GALNT14: variants seen among roughly 807,000 people sequenced by gnomAD.
GALNT14 encodes polypeptide N-acetylgalactosaminyltransferase 14, also known as UDP-GalNAc:polypeptide N-acetylgalactosaminyltransferase 14.
In GALNT14, 60 loss-of-function variants were observed where a neutral mutation model predicts 77.5. The ratio of observed to expected loss-of-function variants is 0.77; its 90% confidence interval spans 0.63 to 0.96. The LOEUF is 0.96. Ranked by LOEUF, GALNT14 falls within the 40% of genes least tolerant of loss-of-function variation. GALNT14 has a pLI of 0.00. For synonymous variants in GALNT14, 280 were observed against 281.7 expected, an observed-to-expected ratio of 0.99 and a Z score of 0.06; for missense variants, 710 against 731.0, an observed-to-expected ratio of 0.97 and a Z score of 0.33.
downstream of GALNT14, among the ~76,000 whole-genome samples, chr2:30,906,448 A>G (rs1168074347): frequency 6.7e-6 from 1 of 149,780 alleles, no homozygotes; most frequent in Non-Finnish European, 1.5e-5. Flanking sequence ...AACAAAGATC[A>G]AAAGAGACAA....
In GALNT14 at chr2:30,929,499, A is replaced by T. The variant is rs755776172; in HGVS notation, c.1059-12T>A. On this transcript the variant is annotated splice_polypyrimidine_tract_variant and intron_variant, in intron 10 of 14. Coordinates refer to ENST00000349752, the MANE Select transcript of GALNT14 (RefSeq NM_024572.4). ...TCCGCTTGGTGTTCCTGGGAAAACA[A>T]GGAGTGACAAGGGGTGTCAGTAAGG... is the stretch of plus-strand genomic sequence containing the variant. The T allele has an allele frequency of 6.2e-7, 1 of 1,603,016 alleles. No individual in the cohort carries two copies. The highest frequency in any genetic ancestry group is 8.5e-7 in the Non-Finnish European group (1 of 1,170,904).
At chr2:30,960,926 C>T (rs537356309) in intron 3 of GALNT14, among the ~76,000 whole-genome samples, 52 of 152,248 alleles carry the variant, frequency 3.4e-4, no homozygotes, top group Non-Finnish European at 6.5e-4. Context: ...ATGCTCTCCT[C>T]ACTCTGCCTG....
At chr2:31,095,650 G>A (rs1462810565) in intron 1 of GALNT14, among the ~76,000 whole-genome samples, 1 of 151,642 alleles carries the variant, frequency 6.6e-6, no homozygotes, top group East Asian at 1.9e-4. Flanking sequence ...TCCAAGGCCA[G>A]CTATTTGATG....
chr2:31,131,015 G>A (rs1481780145), intron 1 of GALNT14, among the ~76,000 whole-genome samples: 2 of 152,126 alleles, frequency 1.3e-5, no homozygotes, highest in Non-Finnish European at 2.9e-5. Context: ...TAACTAACCT[G>A]AAAAGACTCA....
chr2:31,080,574 T>C (rs1676096591), intron 1 of GALNT14, among the ~76,000 whole-genome samples: 1 of 152,230 alleles, frequency 6.6e-6, no homozygotes, highest in Admixed American at 6.5e-5. Flanking sequence ...ATCACTACTT[T>C]GCAGAGAGGA....
rs540339480 is a variant in GALNT14 at position 31,123,711 on chromosome 2, G to A, written c.129+14247C>T. Among the ~76,000 whole-genome samples the A allele has an allele frequency of 1.1e-4, 17 of 152,240 alleles. No individual in the cohort carries two copies. In the South Asian group the frequency reaches 1.5e-3, roughly 13 times the overall value. On this transcript the variant is annotated intron_variant, in intron 1 of 14. Coordinates refer to ENST00000349752, the MANE Select transcript of GALNT14 (RefSeq NM_024572.4). ...TTCAACCACAGTTTTCTGAGCTAAC[G>A]GAAGAGTGACATGATCAGGACAGGA...
intron 1 of GALNT14, among the ~76,000 whole-genome samples, chr2:31,067,801 C>A (rs1001246595): frequency 2.0e-5 from 3 of 152,288 alleles, no homozygotes; most frequent in Non-Finnish European, 4.4e-5. Flanking sequence ...ATTTTCCAGA[C>A]AAGGATTAAG....
At chr2:30,906,574 C>G (rs1396819771), downstream of GALNT14, among the ~76,000 whole-genome samples, 2 of 150,318 alleles carry the variant, frequency 1.3e-5, no homozygotes, top group African/African-American at 4.9e-5. Context: ...CCTGAGTGAC[C>G]TACAAAGAGA....
chr2:31,019,559 T>G (rs1224538682), intron 1 of GALNT14, among the ~76,000 whole-genome samples: 1 of 152,138 alleles, frequency 6.6e-6, no homozygotes, highest in Non-Finnish European at 1.5e-5. Context: ...AACCCAGTCC[T>G]GCACTCAAGG....
chr2:31,089,295 T>C (rs1234307464), intron 1 of GALNT14, among the ~76,000 whole-genome samples: 1 of 152,146 alleles, frequency 6.6e-6, no homozygotes, highest in African/African-American at 2.4e-5. Flanking sequence ...TGATGAGACA[T>C]TCGGATCACG....
At chr2:31,004,121 C>T (rs1411293524) in intron 1 of GALNT14, among the ~76,000 whole-genome samples, 1 of 152,232 alleles carries the variant, frequency 6.6e-6, no homozygotes, top group Non-Finnish European at 1.5e-5. Context: ...TACCCACACG[C>T]TTTATTTCTG....
chr2:30,908,560 G>T (rs1664206940), downstream of GALNT14, among the ~76,000 whole-genome samples: 1 of 146,472 alleles, frequency 6.8e-6, no homozygotes, highest in Non-Finnish European at 1.5e-5. Flanking sequence ...AATAAAAGAG[G>T]ATATAAACAA....
the GALNT14 span, among the ~76,000 whole-genome samples, chr2:30,896,519 T>C: frequency 6.6e-6 from 1 of 152,086 alleles, no homozygotes; most frequent in African/African-American, 2.4e-5. Context: ...ACAATAAGAG[T>C]AGCTATTATT....
chr2:30,985,306 T>C (rs1466378142), intron 2 of GALNT14, among the ~76,000 whole-genome samples: 1 of 152,148 alleles, frequency 6.6e-6, no homozygotes, highest in African/African-American at 2.4e-5. Context: ...TCTGAGGAGT[T>C]ACCCCTTCGG....
At chr2:31,058,295 C>T (rs1674364252) in intron 1 of GALNT14, among the ~76,000 whole-genome samples, 1 of 152,132 alleles carries the variant, frequency 6.6e-6, no homozygotes. Flanking sequence ...ACGGCACCCA[C>T]CTCCCAGCGG....
chr2:30,988,832 T>C lies in GALNT14; in HGVS notation c.299+4006A>G, dbSNP rs112873204. On this transcript the variant is annotated intron_variant, in intron 2 of 14. Coordinates refer to ENST00000349752, the MANE Select transcript of GALNT14 (RefSeq NM_024572.4). ...GTAGTTCTGGGTGAAACCTAAGAGT[T>C]TGTGTTTCTAACAAGTTCCCAAGTG... 7.2e-3 allele frequency among the ~76,000 whole-genome samples: 1,091 copies of C among 152,220 alleles called. 9 individuals carry two copies. Among genetic ancestry groups the C allele is most frequent in the African/African-American group, 0.025 (1,019 of 41,546 alleles).
At chr2:31,114,877 A>C in intron 1 of GALNT14, 1 of 708,076 alleles carries the variant, frequency 1.4e-6, no homozygotes, top group Non-Finnish European at 2.6e-6. Context: ...AACAGAGAGA[A>C]CAGGTAACTA....
intron 1 of GALNT14, among the ~76,000 whole-genome samples, chr2:31,099,997 G>A (rs781351112): frequency 6.6e-6 from 1 of 151,824 alleles, no homozygotes; most frequent in Non-Finnish European, 1.5e-5. Context: ...TTCCATCCAT[G>A]AGCAATCTTT....
chr2:31,090,378 A>G (rs1463276936), intron 1 of GALNT14, among the ~76,000 whole-genome samples: 1 of 152,038 alleles, frequency 6.6e-6, no homozygotes, highest in Non-Finnish European at 1.5e-5. Flanking sequence ...GTGGATGGCC[A>G]ATGAATGGCT....
Sources: allele counts gnomAD v4.1 joint callset (sites outside exome capture counted in the v4.1 genomes callset), GRCh38; gene constraint gnomAD v4.1.1; transcripts MANE v1.5; gene names NCBI Gene and HGNC (gene_info 2026-07-23, HGNC 2026-07-21).